GRID1: variants seen among roughly 807,000 people sequenced by gnomAD.
The protein encoded by GRID1 is glutamate receptor ionotropic, delta-1.
GRID1 carries 28 observed loss-of-function variants against 98.0 expected under a neutral mutation model. The ratio of observed to expected loss-of-function variants is 0.29; its 90% CI spans 0.21 to 0.39. The LOEUF (loss-of-function observed/expected upper bound fraction) is 0.39, where lower values mean the gene tolerates loss of function less well. GRID1 is among the 10% of genes least tolerant of loss of function. The pLI is 1.00. For synonymous variants in GRID1, 553 were observed against 538.5 expected, an observed-to-expected ratio of 1.03 and a Z score of -0.37; for missense variants, 1,111 against 1,340.5, an observed-to-expected ratio of 0.83 and a Z score of 2.67.
chr10:85,841,236 G>A (rs1842958557), intron 8 of GRID1, among the ~76,000 whole-genome samples: 1 of 151,938 alleles, frequency 6.6e-6, no homozygotes, highest in Admixed American at 6.6e-5. Context: ...CAAGCAATAG[G>A]GAAAATTCCC....
rs1343898232 is a variant in GRID1 at position 85,729,549 on chromosome 10, G to A, written c.1299C>T (p.Arg433=). Residue 433 remains arginine (R), a synonymous_variant, in exon 9 of 16, where the codon CGC becomes CGT. Transcript: ENST00000327946. ...CCACTTTAAGAGTCAATCCTTGGAGGCGGCTGCCCATGGGCCTCTCTTGCA... is the reference window on the plus strand; with the variant it reads ...CCACTTTAAGAGTCAATCCTTGGAGACGGCTGCCCATGGGCCTCTCTTGCA... ...GSLQERPMGS[R]LQGLTLKVVT... is the part of the protein sequence containing the mutation. 6.2e-6 allele frequency: 10 copies of A among 1,612,622 alleles called. No individual in the cohort carries two copies. Among genetic ancestry groups the A allele is most frequent in the Non-Finnish European group, 8.5e-6 (10 of 1,178,836 alleles).
rs550149970 is a variant in GRID1, at chr10:86,174,099, G to C, written c.520+32265C>G. On this transcript the variant is annotated intron_variant, in intron 3 of 15. Coordinates refer to ENST00000327946, the MANE Select transcript of GRID1 (RefSeq NM_017551.3). ...TCCTTTGGGTATATACCCAGTAATGGGATGGCTGGGTCAAATGGTATTTCT... is the reference window on the plus strand; with the variant it reads ...TCCTTTGGGTATATACCCAGTAATGCGATGGCTGGGTCAAATGGTATTTCT... 5.3e-5 allele frequency among the ~76,000 whole-genome samples: 8 copies of C among 152,230 alleles called. No individual in the cohort carries two copies. The East Asian group carries it at 1.4e-3, about 26-fold the overall frequency.
At chr10:85,820,116 A>G (rs1842754811) in intron 8 of GRID1, among the ~76,000 whole-genome samples, 2 of 146,470 alleles carry the variant, frequency 1.4e-5, no homozygotes, top group African/African-American at 2.6e-5. Flanking sequence ...GGAGGAAGGA[A>G]AGAAAGAAGG....
chr10:85,938,627 T>C (rs1660502925), intron 4 of GRID1, among the ~76,000 whole-genome samples: 1 of 152,104 alleles, frequency 6.6e-6, no homozygotes, highest in African/African-American at 2.4e-5. Context: ...ACCTCAGGGA[T>C]AGTGAGTAAA....
At chr10:85,808,967 C>G (rs1206685575) in intron 8 of GRID1, among the ~76,000 whole-genome samples, 2 of 151,872 alleles carry the variant, frequency 1.3e-5, no homozygotes, top group Non-Finnish European at 2.9e-5. Context: ...CTATATTATG[C>G]TTGTATGTCA....
chr10:85,647,495 G>C lies in GRID1; in HGVS notation c.1998-98C>G, dbSNP rs115340467. 4 of 885,542 alleles carry C rather than the reference G, an allele frequency of 4.5e-6. No individual in the cohort carries two copies. In the South Asian group the frequency reaches 4.6e-5, roughly 10 times the overall value. 54.9% of individuals were successfully genotyped at this position (885,542 alleles called of 1,614,324 possible). A position where few individuals can be genotyped will look rare whatever the true frequency, so the allele number is the denominator to read the frequency against. The stretch of plus-strand genomic sequence containing the variant: ...CAAGGCCCTTCTGAACTCCAAGCCC[G>C]GCATGGCCCACTATCCACATTCTTC... On this transcript the variant is annotated intron_variant, in intron 12 of 15. Transcript: ENST00000327946.
At chr10:86,248,563 C>CTTTTTT (rs200060771) in intron 2 of GRID1, among the ~76,000 whole-genome samples, 21 of 121,848 alleles carry the variant, frequency 1.7e-4, no homozygotes, top group African/African-American at 2.2e-4. Context: ...CATGACAATT[C>CTTTTTT]TTTTTTTTTT....
intron 4 of GRID1, among the ~76,000 whole-genome samples, chr10:86,017,551 C>A (rs1453733444): frequency 1.3e-5 from 2 of 152,198 alleles, no homozygotes; most frequent in East Asian, 3.9e-4. Flanking sequence ...CCCCAAAACC[C>A]TTGAGCAGGC....
chr10:85,958,474 T>G (rs1842222726), intron 4 of GRID1, among the ~76,000 whole-genome samples: 1 of 152,136 alleles, frequency 6.6e-6, no homozygotes, highest in Admixed American at 6.5e-5. Context: ...TGTGAGGGTG[T>G]TTCTGGGTGA....
chr10:86,335,752 G>A (rs1049128677), intron 2 of GRID1, among the ~76,000 whole-genome samples: 15 of 152,222 alleles, frequency 9.9e-5, no homozygotes, highest in Non-Finnish European at 2.2e-4. Flanking sequence ...ATGAAGAGAT[G>A]CCCAGCCAAT....
intron 4 of GRID1, among the ~76,000 whole-genome samples, chr10:86,002,558 A>G (rs1158806705): frequency 6.6e-6 from 1 of 152,176 alleles, no homozygotes; most frequent in Non-Finnish European, 1.5e-5. Context: ...TCACAAAATT[A>G]TTACAGTGGT....
At chr10:86,056,566 C>T (rs1023549377) in intron 4 of GRID1, among the ~76,000 whole-genome samples, 2 of 152,198 alleles carry the variant, frequency 1.3e-5, no homozygotes, top group Admixed American at 6.5e-5. Flanking sequence ...CCCCATAAAT[C>T]AGACTGCCGA....
chr10:85,619,494 C>A (rs1020616208), intron 14 of GRID1, among the ~76,000 whole-genome samples: 4 of 152,246 alleles, frequency 2.6e-5, no homozygotes, highest in African/African-American at 9.6e-5. Flanking sequence ...CCTCCTCATT[C>A]TTCCAGCTTC....
In GRID1 at chr10:86,138,924, G is replaced by A; in HGVS notation, c.621C>T (p.Ser207=). 6.2e-7 allele frequency: 1 copy of A among 1,613,040 alleles called. No homozygotes were observed. Among genetic ancestry groups the A allele is most frequent in the Non-Finnish European group, 8.5e-7 (1 of 1,178,944 alleles). ...VDKNISHVFT[S]LFTTMKTEEL... ...CCTCTGTCTTCATCGTGGTGAAGAG[G>A]CTGGTGAATACGTGGCTAATGTTCT... Residue 207 remains serine (S), a synonymous_variant, in exon 4 of 16, where the codon AGC becomes AGT. Transcript: ENST00000327946.
intron 5 of GRID1, among the ~76,000 whole-genome samples, chr10:85,888,850 A>G (rs1352438125): frequency 6.6e-6 from 1 of 151,854 alleles, no homozygotes; most frequent in African/African-American, 2.4e-5. Flanking sequence ...GCCATAGAAA[A>G]TTCTACCTAG....
At chr10:86,052,744 G>A (rs1215721403) in intron 4 of GRID1, among the ~76,000 whole-genome samples, 1 of 152,186 alleles carries the variant, frequency 6.6e-6, no homozygotes, top group Non-Finnish European at 1.5e-5. Flanking sequence ...CTAAAGCAAA[G>A]TGCTAGAGGC....
At chr10:86,031,185 A>T (rs966910841) in intron 4 of GRID1, among the ~76,000 whole-genome samples, 2 of 152,208 alleles carry the variant, frequency 1.3e-5, no homozygotes, top group African/African-American at 4.8e-5. Context: ...TCCAAAATAT[A>T]AAGAAAATAT....
chr10:85,766,401 A>C (rs1261041688), intron 8 of GRID1, among the ~76,000 whole-genome samples: 3 of 152,152 alleles, frequency 2.0e-5, no homozygotes, highest in Non-Finnish European at 4.4e-5. Flanking sequence ...TGGGAGGATC[A>C]ATTGAACCCA....
chr10:86,202,208 C>T (rs919196819), intron 3 of GRID1, among the ~76,000 whole-genome samples: 19 of 152,368 alleles, frequency 1.2e-4, no homozygotes, highest in Non-Finnish European at 2.2e-4. Flanking sequence ...GGCCTAACTT[C>T]CAATGCCAGC....
Sources: allele counts gnomAD v4.1 joint callset (sites outside exome capture counted in the v4.1 genomes callset), GRCh38; gene constraint gnomAD v4.1.1; transcripts MANE v1.5; gene names NCBI Gene and HGNC (gene_info 2026-07-23, HGNC 2026-07-21).